Variants in ODF1 observed in about 807,000 individuals in gnomAD.
ODF1 encodes outer dense fiber protein 1.
ODF1 carries 10 observed loss-of-function variants against 24.0 expected under a neutral mutation model. That is an observed-to-expected ratio of 0.42 (90% confidence interval 0.26 to 0.71). The LOEUF (loss-of-function observed/expected upper bound fraction) is 0.71, where lower values mean the gene tolerates loss of function less well. ODF1 is among the 30% of genes least tolerant of loss of function. ODF1 has a pLI of 0.28. For missense variants in ODF1, 282 were observed against 307.9 expected (o/e 0.92, Z 0.63); for synonymous variants, 118 against 121.3 (o/e 0.97, Z 0.18).
At chr8:102,554,935 A>G (rs919956) in intron 1 of ODF1, among the ~76,000 whole-genome samples, 128,206 of 152,122 alleles carry the variant, frequency 0.84, 54,330 homozygotes, top group Middle Eastern at 0.88. Context: ...TCCAGCCTGG[A>G]CAATAGAAAG....
At chr8:102,552,233 T>C (rs1253418919) in intron 1 of ODF1, among the ~76,000 whole-genome samples, 186 bp downstream of exon 1, 1 of 151,860 alleles carries the variant, frequency 6.6e-6, no homozygotes, top group Non-Finnish European at 1.5e-5. Flanking sequence ...TGTAGGGTTC[T>C]CAAAAGACAA....
At chr8:102,552,380 T>C (rs547158198) in intron 1 of ODF1, among the ~76,000 whole-genome samples, 1 of 152,202 alleles carries the variant, frequency 6.6e-6, no homozygotes, top group African/African-American at 2.4e-5. Flanking sequence ...TAAACATTTT[T>C]CCTGGTTATG....
intron 1 of ODF1, among the ~76,000 whole-genome samples, chr8:102,556,584 A>C (rs1437897736): frequency 6.6e-6 from 1 of 151,922 alleles, no homozygotes; most frequent in African/African-American, 2.4e-5. Flanking sequence ...AGTAACTGGG[A>C]CTAGAGGTGC....
intron 1 of ODF1, among the ~76,000 whole-genome samples, chr8:102,555,341 G>T (rs374020181): frequency 1.3e-5 from 2 of 152,102 alleles, no homozygotes; most frequent in Non-Finnish European, 2.9e-5. Flanking sequence ...TAATTCATGG[G>T]TGCCCCATGT....
intron 1 of ODF1, among the ~76,000 whole-genome samples, 177 bp downstream of exon 1, chr8:102,552,224 G>A (rs904488722): frequency 3.9e-5 from 6 of 152,026 alleles, no homozygotes; most frequent in African/African-American, 1.4e-4. Flanking sequence ...GATGGGAATT[G>A]TAGGGTTCTC....
At chr8:102,555,041 A>C (rs999647028) in intron 1 of ODF1, among the ~76,000 whole-genome samples, 1 of 149,184 alleles carries the variant, frequency 6.7e-6, no homozygotes, top group Non-Finnish European at 1.5e-5. Context: ...CCATGTTGGC[A>C]GTGTCTTCCT....
intron 1 of ODF1, among the ~76,000 whole-genome samples, chr8:102,558,180 G>A (rs890546354): frequency 5.3e-5 from 8 of 152,172 alleles, no homozygotes; most frequent in Admixed American, 1.3e-4. Context: ...GGCCGGGCGC[G>A]GTGGCTCACG....
intron 1 of ODF1, among the ~76,000 whole-genome samples, chr8:102,555,934 T>C (rs2131030238): frequency 6.6e-6 from 1 of 152,146 alleles, no homozygotes; most frequent in Admixed American, 6.5e-5. Flanking sequence ...GGGGTAAGAG[T>C]CTCTCCCCAT....
At chr8:102,559,446 C>T (rs1826151688) in intron 1 of ODF1, among the ~76,000 whole-genome samples, 1 of 151,696 alleles carries the variant, frequency 6.6e-6, no homozygotes, top group South Asian at 2.1e-4. Context: ...GTAGCATTTT[C>T]CAATTTCCAT....
intron 1 of ODF1, among the ~76,000 whole-genome samples, chr8:102,554,655 T>C (rs1278352802): frequency 1.3e-5 from 2 of 152,162 alleles, no homozygotes; most frequent in Non-Finnish European, 2.9e-5. Flanking sequence ...AGACTGGGCA[T>C]AGAAAATCCA....
In ODF1 at chr8:102,552,019, A is replaced by C. The variant is rs368784466; in HGVS notation, c.292A>C (p.Ile98Leu). 1.4e-5 allele frequency: 23 copies of C among 1,599,038 alleles called. No homozygotes were observed. The Admixed American group carries it at 3.7e-4, about 26-fold the overall frequency. ...RSLERKAIRA[I>L]EDEKRELAKL... is the part of the protein sequence containing the mutation. ...TTTGGAGAGGAAAGCCATCAGAGCC[A>C]TAGAAGATGAGAAGCGAGAGCTTGC... Residue 98 changes from isoleucine to leucine, a missense_variant, in exon 1 of 2, where the codon ATA becomes CTA. Ile to Leu is a conservative substitution (Grantham distance 5). Transcript: ENST00000285402.
chr8:102,557,837 T>G (rs1826129702), intron 1 of ODF1, among the ~76,000 whole-genome samples: 1 of 151,852 alleles, frequency 6.6e-6, no homozygotes, highest in Admixed American at 6.6e-5. Context: ...CGTGGGAGAG[T>G]CTTGAAAGGC....
At chr8:102,553,402 A>G in intron 1 of ODF1, among the ~76,000 whole-genome samples, 1 of 149,402 alleles carries the variant, frequency 6.7e-6, no homozygotes, top group Non-Finnish European at 1.5e-5. Context: ...AAGGATAATT[A>G]TTGTCTAGGT....
At chr8:102,555,136 T>C (rs1826097500) in intron 1 of ODF1, among the ~76,000 whole-genome samples, 2 of 152,124 alleles carry the variant, frequency 1.3e-5, no homozygotes, top group Admixed American at 6.6e-5. Flanking sequence ...AGTGTCCCTG[T>C]CTCTTCCTCC....
chr8:102,552,034 C>A lies in ODF1; in HGVS notation c.307C>A (p.Arg103=). Residue 103 remains arginine (R), a synonymous_variant, in exon 1 of 2, where the codon CGA becomes AGA. Coordinates refer to ENST00000285402, the MANE Select transcript of ODF1 (RefSeq NM_024410.4). ...CATCAGAGCCATAGAAGATGAGAAGCGAGAGCTTGCCAAGTAAAATAACTT... is the reference window on the plus strand; with the variant it reads ...CATCAGAGCCATAGAAGATGAGAAGAGAGAGCTTGCCAAGTAAAATAACTT... ...KAIRAIEDEK[R]ELAKLRRTTN... The A allele has an allele frequency of 1.3e-6, 2 of 1,580,488 alleles. No individual in the cohort carries two copies. Among genetic ancestry groups the A allele is most frequent in the Non-Finnish European group, 1.7e-6 (2 of 1,159,488 alleles).
intron 1 of ODF1, among the ~76,000 whole-genome samples, chr8:102,557,855 G>A (rs919888294): frequency 6.6e-6 from 1 of 152,220 alleles, no homozygotes; most frequent in Non-Finnish European, 1.5e-5. Context: ...GGCCCAGAGA[G>A]TGCCCATCTT....
chr8:102,557,196 G>A (rs1826122646), intron 1 of ODF1, among the ~76,000 whole-genome samples: 1 of 152,082 alleles, frequency 6.6e-6, no homozygotes, highest in South Asian at 2.1e-4. Flanking sequence ...ACTAAGCTTC[G>A]CCCCCATGAT....
intron 1 of ODF1, among the ~76,000 whole-genome samples, chr8:102,557,987 C>G (rs1000421436): frequency 6.6e-6 from 1 of 152,164 alleles, no homozygotes; most frequent in African/African-American, 2.4e-5. Flanking sequence ...TTCTGCCCAT[C>G]CAGCAAGATA....
chr8:102,556,232 T>C (rs761258733), intron 1 of ODF1, among the ~76,000 whole-genome samples: 2 of 152,206 alleles, frequency 1.3e-5, no homozygotes, highest in Non-Finnish European at 2.9e-5. Context: ...GACTTGAAGC[T>C]GTGTGTGCCC....
Sources: allele counts gnomAD v4.1 joint callset (sites outside exome capture counted in the v4.1 genomes callset), GRCh38; gene constraint gnomAD v4.1.1; transcripts MANE v1.5; gene names NCBI Gene and HGNC (gene_info 2026-07-23, HGNC 2026-07-21).